The following TMED10 variants were observed in gnomAD, a reference collection of about 807,000 sequenced individuals.
The protein encoded by TMED10 is transmembrane emp24 domain-containing protein 10.
TMED10 carries 7 observed loss-of-function variants against 23.1 expected under a neutral mutation model. The observed-to-expected ratio is 0.30, with a 90% CI of 0.17 to 0.57. TMED10 has a LOEUF of 0.57. Among genes scored for constraint, TMED10 ranks in the 20% least tolerant of loss-of-function variants. The pLI is 0.91. For synonymous variants in TMED10, 113 were observed against 106.9 expected (o/e 1.06, Z -0.35); for missense variants, 162 against 274.8 (o/e 0.59, Z 2.90).
chr14:75,148,025 AG>A, intron 2 of TMED10: 1 of 489,400 alleles, frequency 2.0e-6, no homozygotes, highest in Non-Finnish European at 3.7e-6. Flanking sequence ...GGTACTACAG[AG>A]GAACAGAACA....
At chr14:75,139,248 T>A in intron 3 of TMED10, 1 of 390,808 alleles carries the variant, frequency 2.6e-6, no homozygotes, top group Admixed American at 3.4e-5. Context: ...CATTGTTCTA[T>A]AGCTTTTTTC....
chr14:75,136,052 C>T (rs1393645388), intron 3 of TMED10, among the ~76,000 whole-genome samples, 166 bp from the exon 4 acceptor site: 2 of 152,200 alleles, frequency 1.3e-5, no homozygotes, highest in African/African-American at 4.8e-5. Context: ...TCCCTATAGA[C>T]TATATCTTTC....
intron 1 of TMED10, among the ~76,000 whole-genome samples, chr14:75,169,524 G>A (rs1164229131): frequency 6.6e-6 from 1 of 152,156 alleles, no homozygotes; most frequent in Non-Finnish European, 1.5e-5. Flanking sequence ...CGGGAGTAGT[G>A]GTACGCGCCT....
intron 1 of TMED10, among the ~76,000 whole-genome samples, chr14:75,159,198 G>A (rs1896057749): frequency 6.6e-6 from 1 of 152,192 alleles, no homozygotes; most frequent in African/African-American, 2.4e-5. Context: ...CCAATCTAGA[G>A]ACCCTAATTT....
intron 1 of TMED10, among the ~76,000 whole-genome samples, chr14:75,157,389 C>T (rs1896032062): frequency 6.6e-6 from 1 of 152,158 alleles, no homozygotes; most frequent in Non-Finnish European, 1.5e-5. Context: ...CAGTGGCTCA[C>T]ACTTGTAATA....
chr14:75,146,908 C>CAGATAGAT (rs35810783), intron 3 of TMED10, among the ~76,000 whole-genome samples: 28,928 of 149,384 alleles, frequency 0.19, 2,942 homozygotes, highest in East Asian at 0.33. Context: ...ATCCATGCCC[C>CAGATAGAT]AGATAGATAG....
intron 3 of TMED10, 106 bp from the exon 4 acceptor site, chr14:75,135,992 TCTCTC>T (rs952455352): frequency 3.2e-4 from 463 of 1,459,702 alleles, no homozygotes; most frequent in Non-Finnish European, 4.0e-4. Flanking sequence ...AGATTTAAAT[TCTCTC>T]CTATCAATCA....
chr14:75,145,194 G>C (rs1895868194), intron 3 of TMED10, among the ~76,000 whole-genome samples: 1 of 152,172 alleles, frequency 6.6e-6, no homozygotes, highest in Non-Finnish European at 1.5e-5. Flanking sequence ...CGTAAAGGCA[G>C]GCTTAGGACA....
At chr14:75,164,563 ATATATATATATATAT>A (rs1406068901) in intron 1 of TMED10, among the ~76,000 whole-genome samples, 13 of 4,242 alleles carry the variant, frequency 3.1e-3, no homozygotes, top group Non-Finnish European at 4.4e-3. Context: ...ATATATATAT[ATATATATATATATAT>A]TTTTTTTTTT....
chr14:75,164,539 A>C (rs1896126687), intron 1 of TMED10, among the ~76,000 whole-genome samples: 1 of 7,928 alleles, frequency 1.3e-4, no homozygotes, highest in Non-Finnish European at 2.7e-4. Flanking sequence ...CCTAATATAT[A>C]TATATATATA....
intron 1 of TMED10, among the ~76,000 whole-genome samples, chr14:75,166,857 C>G (rs140213427): frequency 9.5e-4 from 144 of 151,784 alleles, no homozygotes; most frequent in African/African-American, 3.3e-3. Flanking sequence ...CAGAAAAAGT[C>G]TGGCATAAGT....
In TMED10 at chr14:75,152,586, G is replaced by A. The variant is rs144192272; in HGVS notation, c.226-443C>T. On this transcript the variant is annotated intron_variant, in intron 1 of 4. Transcript: ENST00000303575. ...TATAAAACAAATTTGATGGGGAAGGGGTGTGGGTGGAGAATAAAATTAGGA... is the reference window on the plus strand; with the variant it reads ...TATAAAACAAATTTGATGGGGAAGGAGTGTGGGTGGAGAATAAAATTAGGA... 1.6e-3 allele frequency among the ~76,000 whole-genome samples: 248 copies of A among 152,254 alleles called. 10 individuals carry two copies. The East Asian group carries it at 0.04, about 24-fold the overall frequency.
At chr14:75,164,521 G>A (rs1228549306) in intron 1 of TMED10, among the ~76,000 whole-genome samples, 2 of 130,348 alleles carry the variant, frequency 1.5e-5, no homozygotes, top group African/African-American at 3.0e-5. Flanking sequence ...GTGAGCCACT[G>A]CACCTGGCCT....
rs1280103824 is a variant in TMED10 at position 75,161,871 on chromosome 14, C to T, written c.226-9728G>A. On this transcript the variant is annotated intron_variant, in intron 1 of 4. Transcript: ENST00000303575. ...AAAGATGCCTTAAAAATAACACTAT[C>T]CACCCAGACTTAATTCCCTTCTCCA... is the stretch of plus-strand genomic sequence containing the variant. 2.0e-5 allele frequency among the ~76,000 whole-genome samples: 3 copies of T among 151,630 alleles called. No homozygotes were observed. In the East Asian group the frequency reaches 5.8e-4, roughly 29 times the overall value.
At position 75,160,480 on chromosome 14, in the gene TMED10, G is replaced by C. The variant is rs1594871959; in HGVS notation, c.226-8337C>G. ...TCATCTGGTTTCTCAAGAAGTGAGAGGTTTTTTTTTTCTTCTTAAATTGTC... is the reference window on the plus strand; with the variant it reads ...TCATCTGGTTTCTCAAGAAGTGAGACGTTTTTTTTTTCTTCTTAAATTGTC... On this transcript the variant is annotated intron_variant, in intron 1 of 4. Coordinates refer to ENST00000303575, the MANE Select transcript of TMED10 (RefSeq NM_006827.6). Among the ~76,000 whole-genome samples, 3 of 151,992 alleles carry C rather than the reference G, an allele frequency of 2.0e-5. No homozygotes were observed. In the South Asian group the frequency reaches 6.2e-4, roughly 31 times the overall value.
intron 1 of TMED10, among the ~76,000 whole-genome samples, chr14:75,152,524 A>G (rs1005385728): frequency 1.3e-5 from 2 of 152,394 alleles, no homozygotes; most frequent in African/African-American, 2.4e-5. Flanking sequence ...AAAAGATTAT[A>G]CAAGAGGGAC....
chr14:75,161,639 C>G (rs1190412302), intron 1 of TMED10, among the ~76,000 whole-genome samples: 2 of 151,782 alleles, frequency 1.3e-5, no homozygotes, highest in African/African-American at 4.8e-5. Flanking sequence ...TTTTAGTGAC[C>G]CTCCCTAACA....
intron 1 of TMED10, among the ~76,000 whole-genome samples, chr14:75,157,569 G>A (rs539629444): frequency 6.6e-6 from 1 of 152,242 alleles, no homozygotes; most frequent in South Asian, 2.1e-4. Flanking sequence ...AGGACTGCTT[G>A]ATCCCATGAG....
In TMED10 at chr14:75,133,927, C is replaced by A; in HGVS notation, c.*958G>T. 6.7e-6 allele frequency: 2 copies of A among 299,576 alleles called. No individual in the cohort carries two copies. Among genetic ancestry groups the A allele is most frequent in the South Asian group, 2.8e-5 (1 of 36,360 alleles). The allele number at this position is 299,576 out of a possible 1,614,324, so 18.6% of individuals were successfully genotyped here. A position where few individuals can be genotyped will look rare whatever the true frequency, so the allele number is the denominator to read the frequency against. ...TTTTTAAAAGAAAAAAAGGAAGAAA[C>A]TATTCATACATGCAACAACTTGGAT... On this transcript the variant is annotated 3_prime_UTR_variant, in exon 5 of 5. Transcript: ENST00000303575.
Sources: allele counts gnomAD v4.1 joint callset (sites outside exome capture counted in the v4.1 genomes callset), GRCh38; gene constraint gnomAD v4.1.1; transcripts MANE v1.5; gene names NCBI Gene and HGNC (gene_info 2026-07-23, HGNC 2026-07-21).